Variants in PHC2 observed in about 807,000 individuals in gnomAD.
The protein encoded by PHC2 is polyhomeotic homolog 2.
A neutral mutation model predicts 87.4 loss-of-function variants in PHC2; 29 were observed. The ratio of observed to expected loss-of-function variants is 0.33; its 90% CI spans 0.25 to 0.45. PHC2 has a LOEUF of 0.45. Ranked by LOEUF, PHC2 falls within the 20% of genes least tolerant of loss-of-function variation. The pLI is 1.00. For synonymous variants in PHC2, 438 were observed against 461.7 expected (o/e 0.95, Z 0.66); for missense variants, 857 against 1,136.7 (o/e 0.75, Z 3.54).
In PHC2 at chr1:33,372,387, A is replaced by G; in HGVS notation, c.235T>C (p.Tyr79His). 1 of 1,607,356 alleles carries G rather than the reference A, an allele frequency of 6.2e-7. No individual in the cohort carries two copies. Among genetic ancestry groups the G allele is most frequent in the Non-Finnish European group, 8.5e-7 (1 of 1,176,276 alleles). The change falls in exon 3 of 15, where the codon TAC (tyrosine) becomes CAC (histidine). Residue 79 changes from tyrosine to histidine, a missense_variant. Physicochemically the swap from Tyr to His is moderately conservative, Grantham distance 83. Around this residue, in one of 3 missense-constraint regions of PHC2, gnomAD observed 832 missense variants for 1,081.8 expected, o/e 0.77. Coordinates refer to ENST00000683057, the MANE Select transcript of PHC2 (RefSeq NM_001385109.1). ...STAAQYLQQM[Y>H]AAQQQHLMLQ... Reference sequence around the variant, plus strand: ...ATGAGGTGCTGCTGCTGGGCGGCGTACATCTGCTGCAGGTACTGAGCGGCC... The same window carrying G: ...ATGAGGTGCTGCTGCTGGGCGGCGTGCATCTGCTGCAGGTACTGAGCGGCC...
At chr1:33,359,521 A>G (rs1345967816) in intron 7 of PHC2, among the ~76,000 whole-genome samples, 3 of 152,302 alleles carry the variant, frequency 2.0e-5, no homozygotes, top group African/African-American at 7.2e-5. Context: ...TCAACCATTC[A>G]CTCACTCAAC....
intron 1 of PHC2, among the ~76,000 whole-genome samples, chr1:33,413,328 A>G (rs1650059733): frequency 6.6e-6 from 1 of 152,228 alleles, no homozygotes; most frequent in Non-Finnish European, 1.5e-5. Context: ...TAATTGGATA[A>G]CTACTGTTGC....
intron 1 of PHC2, 67 bp from the exon 2 acceptor site, chr1:33,375,660 C>T (rs1648136917): frequency 9.5e-7 from 1 of 1,050,672 alleles, no homozygotes; most frequent in Non-Finnish European, 1.3e-6. Flanking sequence ...ACAAAGTCAG[C>T]CTTTTGTATC....
rs771379383 is a variant in PHC2 at position 33,324,443 on chromosome 1, G to T, written c.*422C>A. On this transcript the variant is annotated 3_prime_UTR_variant, in exon 15 of 15. Coordinates refer to ENST00000683057, the MANE Select transcript of PHC2 (RefSeq NM_001385109.1). Reference sequence around the variant, plus strand: ...AACGGAAGAGTTAACCAGGCCTGGAGAAAGAAGTGGGAGGAAGGAAGGCAA... The same window carrying T: ...AACGGAAGAGTTAACCAGGCCTGGATAAAGAAGTGGGAGGAAGGAAGGCAA... 7 of 156,410 alleles carry T rather than the reference G, an allele frequency of 4.5e-5. No homozygotes were observed. The highest frequency in any genetic ancestry group is 1.3e-4 in the Admixed American group (2 of 15,378). The allele number at this position is 156,410 out of a possible 1,614,324, so 9.7% of individuals were successfully genotyped here.
chr1:33,427,525 C>T (rs369400935), intron 1 of PHC2, among the ~76,000 whole-genome samples: 85 of 152,210 alleles, frequency 5.6e-4, no homozygotes, highest in African/African-American at 1.9e-3. Flanking sequence ...CACTTCTTAT[C>T]GGCATCTCAT....
At chr1:33,355,723 C>T (rs1403018741) in intron 7 of PHC2, among the ~76,000 whole-genome samples, 3 of 152,242 alleles carry the variant, frequency 2.0e-5, no homozygotes, top group African/African-American at 2.4e-5. Context: ...CAGGCGAGGC[C>T]TTCTCCAGGA....
intron 1 of PHC2, among the ~76,000 whole-genome samples, chr1:33,376,226 G>A (rs111610005): frequency 2.0e-5 from 3 of 152,122 alleles, no homozygotes; most frequent in African/African-American, 7.2e-5. Flanking sequence ...GTAGAGACAG[G>A]GTTTCGCCAT....
intron 1 of PHC2, among the ~76,000 whole-genome samples, chr1:33,403,910 A>C (rs186605457): frequency 6.6e-6 from 1 of 152,116 alleles, no homozygotes; most frequent in African/African-American, 2.4e-5. Context: ...GTCTCGTACC[A>C]CCTAACCATT....
chr1:33,425,619 G>A (rs56953866), intron 1 of PHC2, among the ~76,000 whole-genome samples: 1 of 152,284 alleles, frequency 6.6e-6, no homozygotes, highest in East Asian at 1.9e-4. Flanking sequence ...CCTTCTGAGA[G>A]GTAATGCTTG....
chr1:33,408,159 G>A (rs1025023989), intron 1 of PHC2, among the ~76,000 whole-genome samples: 2 of 152,062 alleles, frequency 1.3e-5, no homozygotes, highest in Non-Finnish European at 2.9e-5. Flanking sequence ...TATCTAGCTC[G>A]CCATTACTGG....
At chr1:33,393,250 T>C (rs2148364725) in intron 1 of PHC2, among the ~76,000 whole-genome samples, 1 of 152,234 alleles carries the variant, frequency 6.6e-6, no homozygotes, top group East Asian at 1.9e-4. Context: ...TGCTGCATGC[T>C]CAGTAGTTGT....
chr1:33,367,217 T>C lies in PHC2; in HGVS notation c.875A>G (p.Lys292Arg). ...CACACTGCTGTTGCCATCTCCTTTC[T>C]TGTGTGGCTCCATCACACTGTCAGC... ...GIADSVMEPH[K>R]KGDGNSSVPG... The change falls in exon 7 of 15, where the codon AAG (lysine) becomes AGG (arginine). Residue 292 changes from lysine to arginine, a missense_variant. Around this residue, in one of 3 missense-constraint regions of PHC2, gnomAD observed 832 missense variants for 1,081.8 expected, o/e 0.77. Transcript: ENST00000683057. 1 of 1,614,192 alleles carries C rather than the reference T, an allele frequency of 6.2e-7. No homozygotes were observed. Among genetic ancestry groups the C allele is most frequent in the Non-Finnish European group, 8.5e-7 (1 of 1,180,036 alleles).
chr1:33,336,017 C>G (rs1646627374), intron 9 of PHC2, among the ~76,000 whole-genome samples: 1 of 129,678 alleles, frequency 7.7e-6, no homozygotes, highest in African/African-American at 3.3e-5. Context: ...TAGATGGAGT[C>G]TCACTCTGTC....
intron 1 of PHC2, among the ~76,000 whole-genome samples, chr1:33,387,326 C>G (rs1278419364): frequency 6.6e-6 from 1 of 152,136 alleles, no homozygotes; most frequent in Non-Finnish European, 1.5e-5. Flanking sequence ...GAGCTTCTTC[C>G]AAGGATACAG....
At position 33,354,861 on chromosome 1, in the gene PHC2, G is replaced by T. The variant is rs139804561; in HGVS notation, c.1369C>A (p.Gln457Lys). The change falls in exon 8 of 15, where the codon CAA (glutamine) becomes AAA (lysine). Residue 457 changes from glutamine (Q) to lysine (K), a missense_variant. Physicochemically the swap from Gln to Lys is moderately conservative, Grantham distance 53. This residue lies in a region of PHC2 where 832 missense variants were observed against 1,081.8 expected (regional missense o/e 0.77). Coordinates refer to ENST00000683057, the MANE Select transcript of PHC2 (RefSeq NM_001385109.1). Reference protein sequence around the residue: ...RFQHTSAVILQLQPASPVPQQ... With the variant: ...RFQHTSAVILKLQPASPVPQQ... ...ACCACTGGTGAAGCAGGCTGCAGTT[G>T]TAAGATGACAGCTGAAGTGTGCTGG... The T allele has an allele frequency of 2.5e-6, 4 of 1,614,068 alleles. No individual in the cohort carries two copies. Among genetic ancestry groups the T allele is most frequent in the South Asian group, 1.1e-5 (1 of 91,076 alleles).
At chr1:33,325,271 C>A in intron 14 of PHC2, 1 of 437,392 alleles carries the variant, frequency 2.3e-6, no homozygotes, top group South Asian at 3.6e-5. Flanking sequence ...ATGAACTGGG[C>A]GGACCCATGT....
At chr1:33,325,288 A>C in intron 14 of PHC2, 1 of 379,492 alleles carries the variant, frequency 2.6e-6, no homozygotes, top group Non-Finnish European at 4.8e-6. Context: ...ATGTCCACTA[A>C]AGTGCTGAGG....
In PHC2 at chr1:33,349,358, C is replaced by A. The variant is rs1570470135; in HGVS notation, c.1558+5043G>T. 14 of 985,410 alleles carry A rather than the reference C, an allele frequency of 1.4e-5. No homozygotes were observed. Among genetic ancestry groups the A allele is most frequent in the Middle Eastern group, 5.2e-4 (1 of 1,912 alleles). The allele number at this position is 985,410 out of a possible 1,614,324, so 61.0% of individuals were successfully genotyped here. ...GGGCCTGGGGACGCGGAAGCTGCGG[C>A]GCGCCGAGGTGACACGGCTTCCAGG... On this transcript the variant is annotated intron_variant, in intron 9 of 14. Transcript: ENST00000683057. This position sits in a 1 kb window ranked among gnomAD's most constrained non-coding sequence, Gnocchi z 4.2.
At chr1:33,409,478 C>A (rs188509022) in intron 1 of PHC2, among the ~76,000 whole-genome samples, 1 of 152,144 alleles carries the variant, frequency 6.6e-6, no homozygotes, top group Non-Finnish European at 1.5e-5. Context: ...AGCATTACTT[C>A]GGGGTGCTAG....
Sources: allele counts gnomAD v4.1 joint callset (sites outside exome capture counted in the v4.1 genomes callset), GRCh38; gene constraint gnomAD v4.1.1; regional missense constraint gnomAD v4.1.1; non-coding constraint Gnocchi (gnomAD v3.1); transcripts MANE v1.5; gene names NCBI Gene and HGNC (gene_info 2026-07-23, HGNC 2026-07-21).